SLC7A14: variants seen among roughly 807,000 people sequenced by gnomAD.
The protein encoded by SLC7A14 is solute carrier family 7 member 14.
In SLC7A14, 37 loss-of-function variants were observed where a neutral mutation model predicts 60.2. The ratio of observed to expected loss-of-function variants is 0.61; its 90% CI spans 0.47 to 0.81. SLC7A14 has a LOEUF of 0.81. Among genes scored for constraint, SLC7A14 ranks in the 30% least tolerant of loss-of-function variants. The probability of loss-of-function intolerance (pLI) is 0.00; values close to 1 mark genes in which losing one functional copy is unlikely to be tolerated. For missense variants in SLC7A14, 886 were observed against 982.7 expected (o/e 0.90, Z 1.32); for synonymous variants, 399 against 395.8 (o/e 1.01, Z -0.10).
intron 4 of SLC7A14, among the ~76,000 whole-genome samples, chr3:170,497,623 G>A (rs905434723): frequency 1.3e-5 from 2 of 152,166 alleles, no homozygotes; most frequent in African/African-American, 4.8e-5. Context: ...TTAAATGAAC[G>A]GATAGGACCA....
intron 1 of SLC7A14, among the ~76,000 whole-genome samples, chr3:170,583,462 A>G (rs1238519624): frequency 6.6e-6 from 1 of 152,252 alleles, no homozygotes. Flanking sequence ...AAAGATAATC[A>G]AAGAAAGCAG....
chr3:170,511,682 A>C (rs963009947), intron 2 of SLC7A14, among the ~76,000 whole-genome samples: 2 of 152,242 alleles, frequency 1.3e-5, no homozygotes, highest in Non-Finnish European at 2.9e-5. Flanking sequence ...CCTTTGCCTC[A>C]GAGTGGGATA....
Position 170,466,883 on chromosome 3 carries a change from A to G in SLC7A14, c.*172T>C, listed in dbSNP as rs1010555326. On this transcript the variant is annotated 3_prime_UTR_variant, in exon 8 of 8. Transcript: ENST00000231706. ...TTAGGGGACCCAGGTTAAGCCCTTC[A>G]ACAGAACTATCCTGAAGAGCAAAAG... 7 of 607,458 alleles carry G rather than the reference A, an allele frequency of 1.2e-5. No individual in the cohort carries two copies. The highest frequency in any genetic ancestry group is 9.7e-5 in the Admixed American group (3 of 31,042). 37.6% of individuals were successfully genotyped at this position (607,458 alleles called of 1,614,324 possible).
chr3:170,564,993 T>C (rs528171060), intron 1 of SLC7A14, among the ~76,000 whole-genome samples: 22 of 152,206 alleles, frequency 1.4e-4, no homozygotes, highest in Non-Finnish European at 2.8e-4. Flanking sequence ...AATTCAATAA[T>C]CTGGTTCTTG....
In SLC7A14 at chr3:170,480,774, G is replaced by T. The variant is rs1361264697; in HGVS notation, c.1508C>A (p.Thr503Asn). Residue 503 changes from threonine to asparagine, a missense_variant, in exon 7 of 8, where the codon ACC (threonine) becomes AAC (asparagine). Transcript: ENST00000231706. ...EMLIGKSDKS[T>N]YNVNHPNYGT... is the part of the protein sequence containing the mutation. Reference sequence around the variant, plus strand: ...GTAATTGGGGTGGTTGACGTTGTAGGTTGACTTGTCTGATTTCCCTATGAG... The same window carrying T: ...GTAATTGGGGTGGTTGACGTTGTAGTTTGACTTGTCTGATTTCCCTATGAG... 1 of 1,614,060 alleles carries T rather than the reference G, an allele frequency of 6.2e-7. No individual in the cohort carries two copies. The highest frequency in any genetic ancestry group is 8.5e-7 in the Non-Finnish European group (1 of 1,180,038).
chr3:170,533,958 T>C (rs905582703), intron 1 of SLC7A14, among the ~76,000 whole-genome samples: 1 of 152,256 alleles, frequency 6.6e-6, no homozygotes, highest in Non-Finnish European at 1.5e-5. Flanking sequence ...TTACTTGGAA[T>C]ATCTTTAAAG....
chr3:170,496,438 C>G (rs1041562647), intron 4 of SLC7A14: 1 of 1,262,078 alleles, frequency 7.9e-7, no homozygotes, highest in Non-Finnish European at 1.2e-6. Flanking sequence ...GCCCCCATCG[C>G]AGATACCGAG....
At chr3:170,506,888 G>A (rs562014856) in intron 2 of SLC7A14, among the ~76,000 whole-genome samples, 1 of 152,296 alleles carries the variant, frequency 6.6e-6, no homozygotes, top group East Asian at 1.9e-4. Context: ...TTCCACTTAA[G>A]GGGTAAGTTA....
At chr3:170,518,498 T>G in intron 2 of SLC7A14, among the ~76,000 whole-genome samples, 1 of 152,122 alleles carries the variant, frequency 6.6e-6, no homozygotes, top group Admixed American at 6.5e-5. Context: ...CTCCTGTATG[T>G]TTTGTGCAAT....
chr3:170,501,088 A>G (rs1712591765), intron 3 of SLC7A14, 21 bp downstream of exon 3: 1 of 1,610,732 alleles, frequency 6.2e-7, no homozygotes, highest in Admixed American at 1.7e-5. Context: ...TGTTGAGGGT[A>G]GGAGGATGTG....
chr3:170,571,397 C>T (rs1577571829), intron 1 of SLC7A14, among the ~76,000 whole-genome samples: 1 of 152,248 alleles, frequency 6.6e-6, no homozygotes, highest in Non-Finnish European at 1.5e-5. Context: ...AGGATCTAGG[C>T]CTTTGTTTTT....
At chr3:170,570,282 C>T (rs1189480359) in intron 1 of SLC7A14, 2 of 151,616 alleles carry the variant, frequency 1.3e-5, no homozygotes, top group African/African-American at 4.9e-5. Flanking sequence ...CCTGTCTCTA[C>T]AAAAAAAATA....
In SLC7A14 at chr3:170,532,671, G is replaced by GTTT. The variant is rs368903514; in HGVS notation, c.-152-5586_-152-5584dup. Among the ~76,000 whole-genome samples, 3 of 145,658 alleles carry GTTT rather than the reference G, an allele frequency of 2.1e-5. No individual in the cohort carries two copies. The highest frequency in any genetic ancestry group is 4.4e-4 in the South Asian group (2 of 4,554). On this transcript the variant is annotated intron_variant, in intron 1 of 7. Coordinates refer to ENST00000231706, the MANE Select transcript of SLC7A14 (RefSeq NM_020949.3). This position sits in a 1 kb window ranked among gnomAD's most constrained non-coding sequence, Gnocchi z 4.0. ...ACCCTGCTGTGGCCCCTGACCAGGT[G>GTTT]TTTTTTTTTTTTTGTTGTTGTTGTT...
intron 2 of SLC7A14, among the ~76,000 whole-genome samples, chr3:170,504,845 G>T (rs1712724569): frequency 6.6e-6 from 1 of 152,146 alleles, no homozygotes; most frequent in African/African-American, 2.4e-5. Context: ...CAGTGAAGGT[G>T]GTACTGACTC....
intron 1 of SLC7A14, among the ~76,000 whole-genome samples, chr3:170,558,995 C>G (rs932728415): frequency 5.9e-5 from 9 of 152,138 alleles, no homozygotes; most frequent in African/African-American, 1.9e-4. Context: ...AACTGCCTGG[C>G]CAAGTGCTGT....
intron 6 of SLC7A14, among the ~76,000 whole-genome samples, chr3:170,482,877 A>G (rs969427922): frequency 1.3e-5 from 2 of 151,962 alleles, no homozygotes; most frequent in African/African-American, 4.8e-5. Flanking sequence ...GGATCTGTTC[A>G]GAGGGTCTTA....
intron 5 of SLC7A14, 114 bp downstream of exon 5, chr3:170,486,108 G>A: frequency 7.3e-7 from 1 of 1,362,462 alleles, no homozygotes; most frequent in Non-Finnish European, 9.9e-7. Flanking sequence ...GGGGCTACAG[G>A]GGACAAAAGA....
At chr3:170,581,232 A>C (rs1157300692) in intron 1 of SLC7A14, among the ~76,000 whole-genome samples, 1 of 152,180 alleles carries the variant, frequency 6.6e-6, no homozygotes, top group African/African-American at 2.4e-5. Context: ...ATGAGAATGG[A>C]TAGAAGCTCA....
chr3:170,500,555 C>T (rs1712574402), intron 3 of SLC7A14, among the ~76,000 whole-genome samples: 1 of 151,852 alleles, frequency 6.6e-6, no homozygotes, highest in Admixed American at 6.6e-5. Context: ...GTTATATTAC[C>T]CCTCCCTGAC....
Sources: gnomAD v4.1 joint callset for allele counts (sites outside exome capture counted in the v4.1 genomes callset) on GRCh38, gnomAD v4.1.1 for gene constraint, Gnocchi (gnomAD v3.1) non-coding constraint, MANE v1.5 for transcripts, NCBI Gene and HGNC (gene_info 2026-07-23, HGNC 2026-07-21) for gene names.